Variants in ASPH observed in about 807,000 individuals in gnomAD.
The protein encoded by ASPH is aspartate beta-hydroxylase, also known as aspartyl/asparaginyl beta-hydroxylase.
A neutral mutation model predicts 118.4 loss-of-function variants in ASPH; 100 were observed. The observed-to-expected ratio is 0.84, with a 90% CI of 0.72 to 1.00. The LOEUF is 1.00. Among genes scored for constraint, ASPH ranks in the 50% least tolerant of loss-of-function variants. The pLI is 0.00. For missense variants in ASPH, 920 were observed against 919.5 expected (o/e 1.00, Z -0.01); for synonymous variants, 315 against 325.6 (o/e 0.97, Z 0.35).
At chr8:61,644,500 A>G (rs1806865735) in intron 7 of ASPH, 100 bp downstream of exon 7, 3 of 767,074 alleles carry the variant, frequency 3.9e-6, no homozygotes, top group Non-Finnish European at 5.6e-6. Context: ...TGCATATATT[A>G]ATTTAAATAT....
rs1836788275 is a variant in ASPH at position 61,579,736 on chromosome 8, A to G, written c.1063-2878T>C. On this transcript the variant is annotated intron_variant, in intron 15 of 24. Transcript: ENST00000379454. ...TGCCCCAGAGCCTGAGAAGGAGGCC[A>G]CTATTCAGGGTAGCACTGGGAACAG... is the stretch of plus-strand genomic sequence containing the variant. 4.5e-6 allele frequency: 4 copies of G among 893,368 alleles called. No homozygotes were observed. In the East Asian group the frequency reaches 7.2e-5, roughly 16 times the overall value. 55.3% of individuals were successfully genotyped at this position (893,368 alleles called of 1,614,324 possible). A position where few individuals can be genotyped will look rare whatever the true frequency, so the allele number is the denominator to read the frequency against.
chr8:61,681,481 A>T (rs1235277796), intron 2 of ASPH, among the ~76,000 whole-genome samples: 1 of 151,834 alleles, frequency 6.6e-6, no homozygotes, highest in Non-Finnish European at 1.5e-5. Context: ...ACCAAGCCTC[A>T]AATAAAGACC....
intron 18 of ASPH, among the ~76,000 whole-genome samples, chr8:61,561,767 AT>A (rs143929630): frequency 0.077 from 11,674 of 152,150 alleles, 1,253 homozygotes; most frequent in African/African-American, 0.24. Flanking sequence ...TCACTAAAGA[AT>A]TTTTTAAAAT....
chr8:61,625,295 G>C, intron 13 of ASPH: 4 of 985,814 alleles, frequency 4.1e-6, no homozygotes, highest in Non-Finnish European at 4.8e-6. Flanking sequence ...CAGGCATCGG[G>C]CTCTGTGAGC....
intron 15 of ASPH, chr8:61,579,146 G>A (rs1222638910): frequency 6.2e-6 from 10 of 1,611,964 alleles, no homozygotes; most frequent in Non-Finnish European, 7.6e-6. Context: ...AGATCTCTGA[G>A]ATGAACTGGA....
intron 12 of ASPH, among the ~76,000 whole-genome samples, chr8:61,637,485 A>G (rs1022399273): frequency 2.6e-5 from 4 of 152,148 alleles, no homozygotes; most frequent in African/African-American, 4.8e-5. Flanking sequence ...TGTTTAATAC[A>G]TGCAATTATT....
intron 14 of ASPH, among the ~76,000 whole-genome samples, chr8:61,603,875 G>T (rs1245880354): frequency 6.6e-6 from 1 of 152,224 alleles, no homozygotes; most frequent in South Asian, 2.1e-4. Context: ...ATTAAGGAAT[G>T]ACAGAACATT....
In ASPH at chr8:61,517,950, A is replaced by C; in HGVS notation, c.1992+82T>G. 4 of 1,398,584 alleles carry C rather than the reference A, an allele frequency of 2.9e-6. No individual in the cohort carries two copies. The East Asian group carries it at 9.2e-5, about 32-fold the overall frequency. 86.6% of individuals were successfully genotyped at this position (1,398,584 alleles called of 1,614,324 possible). ...AAGAGGCATTCATTGGGCCAAAGGA[A>C]ACAACCATTTCTTTGTAAAGGTCAA... On this transcript the variant is annotated intron_variant, in intron 23 of 24. Coordinates refer to ENST00000379454, the MANE Select transcript of ASPH (RefSeq NM_004318.4).
intron 21 of ASPH, among the ~76,000 whole-genome samples, chr8:61,527,698 G>A (rs1228121480): frequency 6.6e-6 from 1 of 152,142 alleles, no homozygotes; most frequent in African/African-American, 2.4e-5. Context: ...GGGGGAAGGA[G>A]ATGACAAAGG....
chr8:61,518,059 G>A lies in ASPH; in HGVS notation c.1965C>T (p.Pro655=), dbSNP rs760016655. 50 of 1,613,794 alleles carry A rather than the reference G, an allele frequency of 3.1e-5. No homozygotes were observed. Among genetic ancestry groups the A allele is most frequent in the Middle Eastern group, 3.3e-4 (2 of 6,056 alleles). The change falls in exon 23 of 25, where the codon CCC becomes CCT. Residue 655 remains proline, a synonymous_variant. Coordinates refer to ENST00000379454, the MANE Select transcript of ASPH (RefSeq NM_004318.4). ...GTCCTCTTCTGCATCCTGTTGTCTC[G>A]GGGAACTTTTCTAGTAAGGTACAGG... ...PKTCTLLEKF[P]ETTGCRRGQI...
intron 2 of ASPH, chr8:61,682,529 T>A: frequency 1.3e-6 from 2 of 1,513,546 alleles, no homozygotes; most frequent in Non-Finnish European, 1.8e-6. Context: ...TGCTTAAAGG[T>A]ACAAATACTT....
At chr8:61,649,656 C>T (rs1251242517) in intron 5 of ASPH, among the ~76,000 whole-genome samples, 2 of 151,918 alleles carry the variant, frequency 1.3e-5, no homozygotes, top group Middle Eastern at 3.4e-3. Flanking sequence ...GCCTGCCCAC[C>T]CCCCACCACC....
chr8:61,686,560 A>G (rs1437784166), intron 1 of ASPH, among the ~76,000 whole-genome samples: 4 of 152,214 alleles, frequency 2.6e-5, no homozygotes, highest in African/African-American at 9.6e-5. Flanking sequence ...ATTTTCTAAC[A>G]CTGTATCCAA....
chr8:61,574,843 AAAAC>A (rs1003375621), intron 16 of ASPH, among the ~76,000 whole-genome samples: 25 of 152,280 alleles, frequency 1.6e-4, no homozygotes, highest in African/African-American at 3.9e-4. Flanking sequence ...TTAAAGTATA[AAAAC>A]AAACAAACAA....
chr8:61,662,941 T>C (rs962787052), intron 3 of ASPH: 5 of 985,338 alleles, frequency 5.1e-6, no homozygotes, highest in Admixed American at 1.2e-4. Context: ...TTCTGCCACA[T>C]AGCCATTGAA....
chr8:61,685,175 A>T lies in ASPH; in HGVS notation c.104-987T>A, dbSNP rs184124051. 3.9e-5 allele frequency among the ~76,000 whole-genome samples: 6 copies of T among 152,168 alleles called. 1 individual carries two copies. The highest frequency in any genetic ancestry group is 3.9e-4 in the Admixed American group (6 of 15,276). On this transcript the variant is annotated intron_variant, in intron 1 of 24. Transcript: ENST00000379454. The stretch of plus-strand genomic sequence containing the variant: ...AGAGGGCATTTCTGGATGTTTATGC[A>T]GGACAATGTTTCATCCTGTGCACCT...
At position 61,567,170 on chromosome 8, in the gene ASPH, A is replaced by C. The variant is rs201951517; in HGVS notation, c.1298T>G (p.Leu433Arg). The change falls in exon 17 of 25, where the codon CTA (leucine) becomes CGA (arginine). Residue 433 changes from leucine to arginine, a missense_variant and splice_region_variant. Coordinates refer to ENST00000379454, the MANE Select transcript of ASPH (RefSeq NM_004318.4). ...AATTACCTTTGATTGCATCTTACCT[A>C]GAAATTGTTGCCTGTCTGAGCGACG... ...LKRRSDRQQFLGHMRGSLLTL... is the reference protein window; with the variant it reads ...LKRRSDRQQFRGHMRGSLLTL... The C allele has an allele frequency of 3.8e-5, 61 of 1,613,316 alleles. No individual in the cohort carries two copies. The Middle Eastern group carries it at 9.9e-4, about 26-fold the overall frequency.
intron 14 of ASPH, chr8:61,607,064 A>C (rs1845796366): frequency 8.4e-6 from 4 of 476,754 alleles, no homozygotes; most frequent in Non-Finnish European, 1.5e-5. Context: ...TGGTGTTCCC[A>C]CAGCATTTTG....
chr8:61,696,619 A>C (rs991951384), intron 1 of ASPH, among the ~76,000 whole-genome samples: 1 of 151,856 alleles, frequency 6.6e-6, no homozygotes, highest in Non-Finnish European at 1.5e-5. Context: ...AAACGTAATT[A>C]TTTCTCCCTA....
Sources: allele counts gnomAD v4.1 joint callset (sites outside exome capture counted in the v4.1 genomes callset), GRCh38; gene constraint gnomAD v4.1.1; transcripts MANE v1.5; gene names NCBI Gene and HGNC (gene_info 2026-07-23, HGNC 2026-07-21).